KAT6A: variants seen among roughly 807,000 people sequenced by gnomAD.
KAT6A encodes lysine acetyltransferase 6A.
A neutral mutation model predicts 198.4 loss-of-function variants in KAT6A; 9 were observed. That is an observed-to-expected ratio of 0.05 (90% CI 0.03 to 0.08). The LOEUF (loss-of-function observed/expected upper bound fraction) is 0.08, where lower values mean the gene tolerates loss of function less well. Ranked by LOEUF, KAT6A falls within the 10% of genes least tolerant of loss-of-function variation. KAT6A has a pLI of 1.00. For synonymous variants in KAT6A, 890 were observed against 883.0 expected, an observed-to-expected ratio of 1.01 and a Z score of -0.14; for missense variants, 2,077 against 2,509.9, an observed-to-expected ratio of 0.83 and a Z score of 3.69.
Position 41,933,378 on chromosome 8 carries a change from G to A in KAT6A, c.4842C>T (p.Ser1614=). 1.9e-6 allele frequency: 3 copies of A among 1,601,536 alleles called. No individual in the cohort carries two copies. Among genetic ancestry groups the A allele is most frequent in the Non-Finnish European group, 2.6e-6 (3 of 1,176,082 alleles). ...VVTQQMASMG[S]SCSMMQQSSV... is the part of the protein sequence containing the mutation. ...TGCTCTGCTGCATCATGCTGCAGCT[G>A]CTGCCCATGCTGGCCATCTGCTGAG... Residue 1614 remains serine (S), a synonymous_variant, in exon 17 of 17, where the codon AGC becomes AGT. Coordinates refer to ENST00000265713, the MANE Select transcript of KAT6A (RefSeq NM_006766.5). This position sits in a 1 kb window ranked among gnomAD's most constrained non-coding sequence, Gnocchi z 6.2.
intron 2 of KAT6A, among the ~76,000 whole-genome samples, chr8:42,031,358 T>C (rs1189666959): frequency 6.6e-6 from 1 of 152,194 alleles, no homozygotes; most frequent in Non-Finnish European, 1.5e-5. Flanking sequence ...CAAGCATTTC[T>C]AGAATACATC....
chr8:42,044,059 A>C (rs1482264270), intron 2 of KAT6A, among the ~76,000 whole-genome samples: 1 of 152,086 alleles, frequency 6.6e-6, no homozygotes, highest in Non-Finnish European at 1.5e-5. Context: ...CCACACTCTA[A>C]AGTTAGCTCA....
At chr8:42,044,553 C>T (rs763149271) in intron 2 of KAT6A, among the ~76,000 whole-genome samples, 2 of 151,824 alleles carry the variant, frequency 1.3e-5, no homozygotes, top group African/African-American at 2.4e-5. Context: ...ACTCAGCTGC[C>T]GAAAATCTAA....
At position 42,007,962 on chromosome 8, in the gene KAT6A, A is replaced by C. The variant is rs972050089; in HGVS notation, c.601-20399T>G. Reference sequence around the variant, plus strand: ...GGGCGACAGAGCGAGACTCCGTCTCAAAAAAAAAAAAAAAAAAAAAAAAAA... The same window carrying C: ...GGGCGACAGAGCGAGACTCCGTCTCCAAAAAAAAAAAAAAAAAAAAAAAAA... On this transcript the variant is annotated intron_variant, in intron 2 of 16. Coordinates refer to ENST00000265713, the MANE Select transcript of KAT6A (RefSeq NM_006766.5). Among the ~76,000 whole-genome samples the C allele has an allele frequency of 2.1e-4, 15 of 70,546 alleles. No homozygotes were observed. In the East Asian group the frequency reaches 5.1e-3, roughly 24 times the overall value. The allele number at this position is 70,546 out of a possible 152,430, so 46.3% of individuals were successfully genotyped here.
intron 16 of KAT6A, 55 bp from the exon 17 acceptor site, chr8:41,934,922 T>C: frequency 1.5e-6 from 2 of 1,367,810 alleles, no homozygotes; most frequent in Non-Finnish European, 2.0e-6. Context: ...CATTTTCTAG[T>C]TCCTTCTTCC....
intron 5 of KAT6A, among the ~76,000 whole-genome samples, chr8:41,979,190 C>A (rs1824221078): frequency 6.6e-6 from 1 of 152,164 alleles, no homozygotes; most frequent in South Asian, 2.1e-4. Flanking sequence ...ATCGTTTGAA[C>A]CCAGGAGGCG....
chr8:42,040,954 C>G (rs1328951392), intron 2 of KAT6A, among the ~76,000 whole-genome samples: 1 of 151,710 alleles, frequency 6.6e-6, no homozygotes, highest in African/African-American at 2.4e-5. Flanking sequence ...GTGGCTCACA[C>G]CTATAATCCC....
intron 9 of KAT6A, among the ~76,000 whole-genome samples, chr8:41,953,470 A>T (rs1023205271): frequency 2.0e-5 from 3 of 152,110 alleles, no homozygotes; most frequent in African/African-American, 7.2e-5. Context: ...ATTCCTTGGC[A>T]TATTTATTTT....
intron 8 of KAT6A, among the ~76,000 whole-genome samples, chr8:41,973,987 A>G (rs531854390): frequency 2.4e-4 from 36 of 152,282 alleles, no homozygotes; most frequent in African/African-American, 8.7e-4. Context: ...TAGTTCAGGG[A>G]AAGAATTCAG....
intron 2 of KAT6A, among the ~76,000 whole-genome samples, chr8:42,027,365 GTTCTTC>G (rs540917921): frequency 5.1e-4 from 78 of 152,110 alleles, no homozygotes; most frequent in Non-Finnish European, 2.9e-4. Context: ...ACTGGTGTTA[GTTCTTC>G]TTCTTAAGTT....
chr8:42,040,045 C>A (rs1455073872), intron 2 of KAT6A, among the ~76,000 whole-genome samples: 1 of 151,852 alleles, frequency 6.6e-6, no homozygotes. Flanking sequence ...CCGCGCCCTG[C>A]CGAAAATTTG....
intron 8 of KAT6A, among the ~76,000 whole-genome samples, chr8:41,972,886 C>T (rs1444118438): frequency 1.3e-5 from 2 of 152,232 alleles, no homozygotes. Context: ...AACATAACTA[C>T]TGCCTCCTTT....
In KAT6A at chr8:41,946,529, C is replaced by CACACAA; in HGVS notation, c.1996+61_1996+62insTTGTGT. ...ACACACACACACACACACACACACA[C>CACACAA]ACACACACACACAGAGAAGGTCCAC... On this transcript the variant is annotated intron_variant, in intron 12 of 16. Transcript: ENST00000265713. 2.1e-5 allele frequency: 14 copies of CACACAA among 681,858 alleles called. No individual in the cohort carries two copies. In the East Asian group the frequency reaches 2.1e-4, roughly 10 times the overall value. The allele number at this position is 681,858 out of a possible 1,614,324, so 42.2% of individuals were successfully genotyped here. A position where few individuals can be genotyped will look rare whatever the true frequency, so the allele number is the denominator to read the frequency against.
At chr8:42,041,119 T>C (rs894840820) in intron 2 of KAT6A, among the ~76,000 whole-genome samples, 2 of 142,308 alleles carry the variant, frequency 1.4e-5, no homozygotes, top group East Asian at 4.3e-4. Flanking sequence ...CACTTGAACC[T>C]GGGAGGCAGA....
At chr8:41,949,604 A>T (rs578128591) in intron 9 of KAT6A, among the ~76,000 whole-genome samples, 1 of 152,356 alleles carries the variant, frequency 6.6e-6, no homozygotes, top group South Asian at 2.1e-4. Flanking sequence ...CAATTTGGAT[A>T]GTTATGCTTA....
At chr8:41,940,016 TAAAAC>T (rs928773042) in intron 15 of KAT6A, among the ~76,000 whole-genome samples, 22 of 152,326 alleles carry the variant, frequency 1.4e-4, no homozygotes, top group African/African-American at 4.8e-4. Flanking sequence ...ATATTATTCT[TAAAAC>T]AAAACAAAAC....
intron 13 of KAT6A, 97 bp from the exon 14 acceptor site, chr8:41,943,097 T>C (rs948268867): frequency 8.1e-6 from 12 of 1,482,320 alleles, no homozygotes; most frequent in Admixed American, 5.7e-5. Context: ...TGTAAGATGA[T>C]AGGTGCTGCA....
At position 41,980,566 on chromosome 8, in the gene KAT6A, C is replaced by G. The variant is rs573187827; in HGVS notation, c.907+280G>C. 1.7e-3 allele frequency among the ~76,000 whole-genome samples: 258 copies of G among 152,232 alleles called. 1 individual carries two copies. Among genetic ancestry groups the G allele is most frequent in the African/African-American group, 6.0e-3 (248 of 41,544 alleles). ...GATATATTTAAGGCAAGTATTTTATCTTCTAGCTAGAGACTGGCAAATATG... is the reference window on the plus strand; with the variant it reads ...GATATATTTAAGGCAAGTATTTTATGTTCTAGCTAGAGACTGGCAAATATG... On this transcript the variant is annotated intron_variant, in intron 5 of 16. Coordinates refer to ENST00000265713, the MANE Select transcript of KAT6A (RefSeq NM_006766.5).
chr8:41,950,905 A>C (rs1161976393), intron 9 of KAT6A, among the ~76,000 whole-genome samples: 1 of 152,162 alleles, frequency 6.6e-6, no homozygotes, highest in Non-Finnish European at 1.5e-5. Flanking sequence ...AATATTCAAT[A>C]AATGCTAATT....
Sources: gnomAD v4.1 joint callset for allele counts (sites outside exome capture counted in the v4.1 genomes callset) on GRCh38, gnomAD v4.1.1 for gene constraint, Gnocchi (gnomAD v3.1) non-coding constraint, MANE v1.5 for transcripts, NCBI Gene and HGNC (gene_info 2026-07-23, HGNC 2026-07-21) for gene names.